The following LRRK1 variants were observed in gnomAD, a reference collection of about 807,000 sequenced individuals.
The protein encoded by LRRK1 is leucine rich repeat kinase 1, also known as leucine-rich repeat serine/threonine-protein kinase 1.
LRRK1 carries 113 observed loss-of-function variants against 209.1 expected under a neutral mutation model. The ratio of observed to expected loss-of-function variants is 0.54; its 90% CI spans 0.46 to 0.63. The LOEUF (loss-of-function observed/expected upper bound fraction) is 0.63, where lower values mean the gene tolerates loss of function less well. LRRK1 is among the 30% of genes least tolerant of loss of function. The pLI is 0.00. For missense variants in LRRK1, 2,284 were observed against 2,632.2 expected (o/e 0.87, Z 2.89); for synonymous variants, 1,144 against 1,099.7 (o/e 1.04, Z -0.80).
chr15:101,070,854 G>A lies in LRRK1; in HGVS notation c.*2006G>A, dbSNP rs1004415845. 2.7e-5 allele frequency: 4 copies of A among 150,374 alleles called. No individual in the cohort carries two copies. The highest frequency in any genetic ancestry group is 7.3e-5 in the African/African-American group (3 of 40,926). The allele number at this position is 150,374 out of a possible 1,614,324, so 9.3% of individuals were successfully genotyped here. On this transcript the variant is annotated 3_prime_UTR_variant, in exon 34 of 34. Coordinates refer to ENST00000388948, the MANE Select transcript of LRRK1 (RefSeq NM_024652.6). ...TTGACTCCATGAAATTGAAACTTAC[G>A]TGGAAAATTAGTCCAAAGCCTAAAA...
intron 6 of LRRK1, among the ~76,000 whole-genome samples, chr15:101,006,251 A>G (rs570511437): frequency 2.4e-4 from 36 of 152,274 alleles, no homozygotes; most frequent in Admixed American, 4.6e-4. Context: ...TCTAAACTTT[A>G]GGAAAAACTT....
At chr15:101,014,862 G>A (rs1490476521) in intron 11 of LRRK1, among the ~76,000 whole-genome samples, 1 of 152,222 alleles carries the variant, frequency 6.6e-6, no homozygotes, top group African/African-American at 2.4e-5. Flanking sequence ...CAGGAATGTG[G>A]GGGGAAACAG....
chr15:101,053,551 A>G (rs1299557576), intron 26 of LRRK1, 131 bp downstream of exon 26: 2 of 780,624 alleles, frequency 2.6e-6, no homozygotes, highest in African/African-American at 1.7e-5. Flanking sequence ...GGCTCGTGTG[A>G]CCATCCCCTG....
chr15:101,015,440 C>T (rs2033489396), intron 12 of LRRK1, 38 bp downstream of exon 12: 3 of 1,522,282 alleles, frequency 2.0e-6, no homozygotes, highest in South Asian at 2.3e-5. Context: ...CCAGATGAGA[C>T]AGCCGGGGTA....
intron 2 of LRRK1, among the ~76,000 whole-genome samples, chr15:100,935,899 C>A (rs1348853372): frequency 6.6e-6 from 1 of 152,220 alleles, no homozygotes; most frequent in African/African-American, 2.4e-5. Context: ...TCATCCACCG[C>A]ATGTCTAGCC....
chr15:101,053,491 G>C (rs917347123), intron 26 of LRRK1, 71 bp downstream of exon 26: 10 of 1,364,626 alleles, frequency 7.3e-6, no homozygotes, highest in Non-Finnish European at 1.0e-5. Flanking sequence ...CCTGGCACGG[G>C]GGGTAGAGCC....
At position 101,049,651 on chromosome 15, in the gene LRRK1, T is replaced by C; in HGVS notation, c.3307T>C (p.Ser1103Pro). Residue 1103 changes from serine (S) to proline (P), a missense_variant, in exon 23 of 34, where the codon TCT (serine) becomes CCT (proline). Around this residue, in one of 6 missense-constraint regions of LRRK1, gnomAD observed 780 missense variants for 985.2 expected, o/e 0.79. Coordinates refer to ENST00000388948, the MANE Select transcript of LRRK1 (RefSeq NM_024652.6). ...TTGGTCTCTGGATTGCAGTGTGGAA[T>C]CTTCCGACGTGAACTGGAAAAAGAA... ...TFDGGYLSVE[S>P]SDVNWKKKKS... 1 of 1,613,810 alleles carries C rather than the reference T, an allele frequency of 6.2e-7. No individual in the cohort carries two copies. Among genetic ancestry groups the C allele is most frequent in the Non-Finnish European group, 8.5e-7 (1 of 1,179,862 alleles).
rs1392488556 is a variant in LRRK1 at position 100,941,316 on chromosome 15, G to GTGTCTCTGTGTGTGTC, written c.97+16590_97+16591insCTCTGTGTGTGTCTGT. Among the ~76,000 whole-genome samples, 14 of 136,264 alleles carry GTGTCTCTGTGTGTGTC rather than the reference G, an allele frequency of 1.0e-4. 1 individual carries two copies. Among genetic ancestry groups the GTGTCTCTGTGTGTGTC allele is most frequent in the South Asian group, 2.3e-4 (1 of 4,256 alleles). 89.4% of individuals were successfully genotyped at this position (136,264 alleles called of 152,430 possible). A position where few individuals can be genotyped will look rare whatever the true frequency, so the allele number is the denominator to read the frequency against. ...TGTGTGTGTCTATGTGTGTGTGTCTGTGTGTGTGTGTCTGTGTCTCTGTGT... is the reference window on the plus strand; with the variant it reads ...TGTGTGTGTCTATGTGTGTGTGTCTGTGTCTCTGTGTGTGTCTGTGTGTGTGTCTGTGTCTCTGTGT... On this transcript the variant is annotated intron_variant, in intron 2 of 33. Coordinates refer to ENST00000388948, the MANE Select transcript of LRRK1 (RefSeq NM_024652.6).
intron 2 of LRRK1, among the ~76,000 whole-genome samples, chr15:100,941,462 C>CTGTGTGTGTGTGTG (rs1293984855): frequency 6.1e-5 from 1 of 16,422 alleles, no homozygotes; most frequent in African/African-American, 1.2e-4. Flanking sequence ...GTGTCTATGT[C>CTGTGTGTGTGTGTG]TCTGTGTGTG....
At chr15:101,060,754 G>A (rs933459576) in intron 29 of LRRK1, among the ~76,000 whole-genome samples, 5 of 152,188 alleles carry the variant, frequency 3.3e-5, no homozygotes, top group South Asian at 2.1e-4. Context: ...CAGAGCACTC[G>A]TGCTGGGAGC....
chr15:100,980,436 C>A (rs1457808525), intron 3 of LRRK1, among the ~76,000 whole-genome samples: 1 of 152,104 alleles, frequency 6.6e-6, no homozygotes, highest in Non-Finnish European at 1.5e-5. Context: ...ATGAGTGAGA[C>A]TACCATGGGT....
rs1320494641 is a variant in LRRK1 at position 100,941,318 on chromosome 15, G to GTCTCTGTGTGTGTC, written c.97+16590_97+16591insCTCTGTGTGTGTCT. The stretch of plus-strand genomic sequence containing the variant: ...TGTGTGTCTATGTGTGTGTGTCTGT[G>GTCTCTGTGTGTGTC]TGTGTGTGTCTGTGTCTCTGTGTGT... On this transcript the variant is annotated intron_variant, in intron 2 of 33. Transcript: ENST00000388948. 2.1e-4 allele frequency among the ~76,000 whole-genome samples: 18 copies of GTCTCTGTGTGTGTC among 86,338 alleles called. 1 individual carries two copies. The highest frequency in any genetic ancestry group is 3.3e-4 in the Non-Finnish European group (15 of 45,688). 56.6% of individuals were successfully genotyped at this position (86,338 alleles called of 152,430 possible).
chr15:101,057,388 T>C (rs2035871744), intron 28 of LRRK1, among the ~76,000 whole-genome samples: 1 of 152,204 alleles, frequency 6.6e-6, no homozygotes, highest in African/African-American at 2.4e-5. Flanking sequence ...GGGAAAAGGT[T>C]TCGTTGTGAG....
intron 29 of LRRK1, 134 bp downstream of exon 29, chr15:101,058,275 G>A (rs1025126627): frequency 4.9e-6 from 4 of 822,486 alleles, no homozygotes; most frequent in South Asian, 3.6e-5. Context: ...TGGTTAGACT[G>A]CACTCAAGAA....
intron 2 of LRRK1, among the ~76,000 whole-genome samples, chr15:100,957,212 A>G (rs1054357493): frequency 3.3e-5 from 5 of 152,200 alleles, no homozygotes; most frequent in Non-Finnish European, 7.3e-5. Flanking sequence ...ATGGCCCAAC[A>G]TATGACATTT....
chr15:101,011,155 T>C (rs1356882293), intron 9 of LRRK1, among the ~76,000 whole-genome samples: 2 of 152,024 alleles, frequency 1.3e-5, no homozygotes, highest in African/African-American at 4.8e-5. Context: ...TCAGTTCTTT[T>C]AGGACAACTA....
At position 101,054,347 on chromosome 15, in the gene LRRK1, C is replaced by G. The variant is rs142339695; in HGVS notation, c.4055-599C>G. Among the ~76,000 whole-genome samples the G allele has an allele frequency of 3.3e-5, 5 of 152,312 alleles. No individual in the cohort carries two copies. In the South Asian group the frequency reaches 1.0e-3, roughly 32 times the overall value. On this transcript the variant is annotated intron_variant, in intron 26 of 33. Coordinates refer to ENST00000388948, the MANE Select transcript of LRRK1 (RefSeq NM_024652.6). ...GACCTGAGGTGAACTCTAGAGATTT[C>G]GAACCCTTGCTCATTCAGCAAAATG...
chr15:100,928,715 C>T (rs985523069), intron 2 of LRRK1, among the ~76,000 whole-genome samples: 1 of 152,124 alleles, frequency 6.6e-6, no homozygotes, highest in Non-Finnish European at 1.5e-5. Context: ...GTGTACTAGG[C>T]ACGCCTTTTC....
At chr15:100,941,117 T>C (rs908333862) in intron 2 of LRRK1, among the ~76,000 whole-genome samples, 2 of 152,206 alleles carry the variant, frequency 1.3e-5, no homozygotes, top group South Asian at 2.1e-4. Context: ...TCTGTGTGTG[T>C]GTGTCTGTGT....
Sources: allele counts gnomAD v4.1 joint callset (sites outside exome capture counted in the v4.1 genomes callset), GRCh38; gene constraint gnomAD v4.1.1; regional missense constraint gnomAD v4.1.1; transcripts MANE v1.5; gene names NCBI Gene and HGNC (gene_info 2026-07-23, HGNC 2026-07-21).